GABBR2: variants seen among roughly 807,000 people sequenced by gnomAD.
GABBR2 encodes the protein G-protein coupled receptor 51.
GABBR2 carries 23 observed loss-of-function variants against 105.6 expected under a neutral mutation model. The observed-to-expected ratio is 0.22, with a 90% confidence interval of 0.16 to 0.31. GABBR2 has a LOEUF of 0.31. Ranked by LOEUF, GABBR2 falls within the 10% of genes least tolerant of loss-of-function variation. The pLI is 1.00. For synonymous variants in GABBR2, 478 were observed against 499.7 expected (o/e 0.96, Z 0.58); for missense variants, 734 against 1,245.5 (o/e 0.59, Z 6.18).
rs539145085 is a variant in GABBR2, at chr9:98,460,905, G to GA, written c.1000-6689dup. Among the ~76,000 whole-genome samples the GA allele has an allele frequency of 1.9e-3, 282 of 152,066 alleles. 1 individual carries two copies. Among genetic ancestry groups the GA allele is most frequent in the African/African-American group, 6.3e-3 (261 of 41,494 alleles). ...AAACAAAATCTTAAAATAACTAGAG[G>GA]AAAAAAAGATGCATTACTTCAAAAG... On this transcript the variant is annotated intron_variant, in intron 6 of 18. Coordinates refer to ENST00000259455, the MANE Select transcript of GABBR2 (RefSeq NM_005458.8).
chr9:98,299,220 T>C lies in GABBR2; in HGVS notation c.2542+4A>G, dbSNP rs1830429438. On this transcript the variant is annotated splice_donor_region_variant and intron_variant, in intron 17 of 18. Transcript: ENST00000259455. Reference sequence around the variant, plus strand: ...ACCACATTCTGGGGCCCTGGCTCTCTTACCTGTGCTCTCAGTGAAGTTTCC... The same window carrying C: ...ACCACATTCTGGGGCCCTGGCTCTCCTACCTGTGCTCTCAGTGAAGTTTCC... 1 of 1,613,696 alleles carries C rather than the reference T, an allele frequency of 6.2e-7. No individual in the cohort carries two copies. The highest frequency in any genetic ancestry group is 8.5e-7 in the Non-Finnish European group (1 of 1,179,730).
At chr9:98,542,227 G>A (rs1054483270) in intron 2 of GABBR2, among the ~76,000 whole-genome samples, 184 bp from the exon 3 acceptor site, 3 of 152,256 alleles carry the variant, frequency 2.0e-5, no homozygotes, top group Middle Eastern at 3.4e-3. Context: ...GTTTAAAAAT[G>A]CAAAATAAGG....
chr9:98,388,755 T>C lies in GABBR2; in HGVS notation c.1529+99A>G. ...TGGGAAACTCTGCCCTGCAGACTTC[T>C]GTGTCCCTGGGGAATCTGTCATGTG... On this transcript the variant is annotated intron_variant, in intron 10 of 18. Transcript: ENST00000259455. This position sits in a 1 kb window ranked among gnomAD's most constrained non-coding sequence, Gnocchi z 4.4. 4.1e-6 allele frequency: 4 copies of C among 982,494 alleles called. No individual in the cohort carries two copies. In the South Asian group the frequency reaches 7.6e-5, roughly 19 times the overall value. The allele number at this position is 982,494 out of a possible 1,614,324, so 60.9% of individuals were successfully genotyped here.
chr9:98,536,279 G>A (rs1828180014), intron 3 of GABBR2, among the ~76,000 whole-genome samples: 1 of 152,220 alleles, frequency 6.6e-6, no homozygotes, highest in East Asian at 1.9e-4. Flanking sequence ...AAAATTCTTT[G>A]AGCTAGGAGG....
intron 17 of GABBR2, among the ~76,000 whole-genome samples, chr9:98,296,686 G>A (rs1032744449): frequency 6.6e-6 from 1 of 152,124 alleles, no homozygotes; most frequent in African/African-American, 2.4e-5. Context: ...CCTTTTATGA[G>A]AACTCTCTTT....
At chr9:98,526,210 C>G (rs1827957963) in intron 3 of GABBR2, among the ~76,000 whole-genome samples, 1 of 152,156 alleles carries the variant, frequency 6.6e-6, no homozygotes, top group South Asian at 2.1e-4. Context: ...CCAACTGACT[C>G]AAAGTATAAG....
intron 3 of GABBR2, among the ~76,000 whole-genome samples, chr9:98,506,874 C>T (rs1185540069): frequency 6.6e-6 from 1 of 152,184 alleles, no homozygotes; most frequent in Non-Finnish European, 1.5e-5. Context: ...ACACCCAACC[C>T]ACAATGCCAG....
chr9:98,547,788 G>T (rs566053802), intron 2 of GABBR2, among the ~76,000 whole-genome samples: 1 of 122,298 alleles, frequency 8.2e-6, no homozygotes, highest in African/African-American at 2.6e-5. Flanking sequence ...GCAGTGCTTT[G>T]CCTGGAATGT....
chr9:98,374,001 G>A (rs914875976), intron 11 of GABBR2, among the ~76,000 whole-genome samples: 9 of 152,000 alleles, frequency 5.9e-5, no homozygotes, highest in Middle Eastern at 3.4e-3. Flanking sequence ...GGGACTGCAG[G>A]CATGCACCAC....
intron 7 of GABBR2, among the ~76,000 whole-genome samples, chr9:98,409,712 T>G (rs1373495913): frequency 1.3e-5 from 2 of 152,198 alleles, no homozygotes; most frequent in East Asian, 3.9e-4. Context: ...GATCTAGCCC[T>G]GCTGCCTCAA....
intron 1 of GABBR2, among the ~76,000 whole-genome samples, chr9:98,604,636 G>C (rs1829385683): frequency 6.6e-6 from 1 of 152,266 alleles, no homozygotes; most frequent in Non-Finnish European, 1.5e-5. Flanking sequence ...ATGCTGGCTG[G>C]ATGCTCATAC....
At chr9:98,689,953 TAAAAAC>T (rs1448596380) in intron 1 of GABBR2, among the ~76,000 whole-genome samples, 1 of 152,142 alleles carries the variant, frequency 6.6e-6, no homozygotes, top group South Asian at 2.1e-4. Flanking sequence ...CAAAGTGACT[TAAAAAC>T]AAAAATAGAT....
At chr9:98,640,801 G>A (rs1829949982) in intron 1 of GABBR2, among the ~76,000 whole-genome samples, 1 of 152,210 alleles carries the variant, frequency 6.6e-6, no homozygotes, top group African/African-American at 2.4e-5. Context: ...ACACTGCGGA[G>A]ACTCAGAGAT....
At chr9:98,584,705 A>C (rs1016611525) in intron 1 of GABBR2, among the ~76,000 whole-genome samples, 5 of 152,256 alleles carry the variant, frequency 3.3e-5, no homozygotes, top group Non-Finnish European at 7.3e-5. Flanking sequence ...AAAAATGCCA[A>C]GAAAATGTCA....
chr9:98,405,291 A>G (rs1385539890), intron 8 of GABBR2, among the ~76,000 whole-genome samples: 2 of 152,130 alleles, frequency 1.3e-5, no homozygotes, highest in Non-Finnish European at 2.9e-5. Flanking sequence ...CCACTGTTGC[A>G]TGTCTGTGGT....
intron 1 of GABBR2, among the ~76,000 whole-genome samples, chr9:98,621,538 G>A (rs768970340): frequency 6.6e-5 from 10 of 152,170 alleles, no homozygotes; most frequent in Non-Finnish European, 1.3e-4. Flanking sequence ...TGTGAACTGC[G>A]ACGCATTCTG....
intron 5 of GABBR2, 38 bp from the exon 6 acceptor site, chr9:98,473,384 C>T (rs370844734): frequency 4.1e-5 from 57 of 1,404,770 alleles, no homozygotes; most frequent in African/African-American, 2.1e-4. Flanking sequence ...CATTGAGAGT[C>T]GCACAGTTCA....
At chr9:98,430,247 G>T (rs1471416154) in intron 7 of GABBR2, among the ~76,000 whole-genome samples, 2 of 141,520 alleles carry the variant, frequency 1.4e-5, no homozygotes, top group Admixed American at 7.5e-5. Context: ...CCAAGATCAT[G>T]CCACTGTACT....
Position 98,290,658 on chromosome 9 carries a change from A to G in GABBR2, c.2752T>C (p.Cys918Arg). 1.4e-6 allele frequency: 2 copies of G among 1,466,774 alleles called. No homozygotes were observed. Among genetic ancestry groups the G allele is most frequent in the Non-Finnish European group, 1.8e-6 (2 of 1,117,030 alleles). 90.9% of individuals were successfully genotyped at this position (1,466,774 alleles called of 1,614,324 possible). Residue 918 changes from cysteine to arginine, a missense_variant, in exon 19 of 19, where the codon TGC (cysteine) becomes CGC (arginine). By Grantham distance (180) the Cys-to-Arg change is radical. Transcript: ENST00000259455. ...CGGGGGCTGGCGGTGGGGCTGACGC[A>G]GGGGCTGACACAGCTGGCGTCCACG... Reference protein sequence around the residue: ...GGVDASCVSPCVSPTASPRHR... With the variant: ...GGVDASCVSPRVSPTASPRHR...
Sources: gnomAD v4.1 joint callset for allele counts (sites outside exome capture counted in the v4.1 genomes callset) on GRCh38, gnomAD v4.1.1 for gene constraint, Gnocchi (gnomAD v3.1) non-coding constraint, MANE v1.5 for transcripts, NCBI Gene and HGNC (gene_info 2026-07-23, HGNC 2026-07-21) for gene names.